Variants in RC3H1 observed in about 807,000 individuals in gnomAD.
RC3H1 encodes roquin-1.
A neutral mutation model predicts 138.2 loss-of-function variants in RC3H1; 50 were observed. That is an observed-to-expected ratio of 0.36 (90% CI 0.29 to 0.46). The LOEUF (loss-of-function observed/expected upper bound fraction) is 0.46, where lower values mean the gene tolerates loss of function less well. Among genes scored for constraint, RC3H1 ranks in the 20% least tolerant of loss-of-function variants. RC3H1 has a pLI of 1.00. For synonymous variants in RC3H1, 462 were observed against 489.1 expected, an observed-to-expected ratio of 0.94 and a Z score of 0.73; for missense variants, 1,031 against 1,388.1, an observed-to-expected ratio of 0.74 and a Z score of 4.09.
chr1:173,988,329 A>T (rs1262069388), intron 2 of RC3H1, among the ~76,000 whole-genome samples: 1 of 152,220 alleles, frequency 6.6e-6, no homozygotes, highest in Admixed American at 6.5e-5. Flanking sequence ...ATCATACAGT[A>T]TGTGGCCTTT....
intron 1 of RC3H1, among the ~76,000 whole-genome samples, chr1:174,009,541 T>C (rs1362530437): frequency 1.3e-5 from 2 of 152,176 alleles, no homozygotes; most frequent in Non-Finnish European, 2.9e-5. Flanking sequence ...ACTGAAATAT[T>C]AGCTCCTTAA....
At chr1:173,967,690 G>C (rs1660181207) in intron 9 of RC3H1, among the ~76,000 whole-genome samples, 1 of 152,108 alleles carries the variant, frequency 6.6e-6, no homozygotes, top group Non-Finnish European at 1.5e-5. Flanking sequence ...ACTTGTAAGA[G>C]CTCATTTTAT....
chr1:173,983,005 A>C (rs1660884791), intron 4 of RC3H1, 103 bp from the exon 5 acceptor site: 6 of 1,022,086 alleles, frequency 5.9e-6, no homozygotes, highest in Non-Finnish European at 8.5e-6. Context: ...TATTCAATTA[A>C]CTGGCAATAC....
At chr1:174,015,899 C>G (rs1661853936) in intron 1 of RC3H1, 1 of 151,956 alleles carries the variant, frequency 6.6e-6, no homozygotes, top group Non-Finnish European at 1.5e-5. Flanking sequence ...TTGACACTAT[C>G]TACTTCAAGA....
intron 11 of RC3H1, among the ~76,000 whole-genome samples, 156 bp downstream of exon 11, chr1:173,963,813 TTTAG>T (rs1475257422): frequency 2.5e-4 from 38 of 152,202 alleles, no homozygotes; most frequent in African/African-American, 8.7e-4. Context: ...TTTCATAGTA[TTTAG>T]TTAATCATAA....
rs966805704 is a variant in RC3H1 at position 173,981,012 on chromosome 1, A to G, written c.769-3T>C. 1 of 1,612,632 alleles carries G rather than the reference A, an allele frequency of 6.2e-7. No individual in the cohort carries two copies. Among genetic ancestry groups the G allele is most frequent in the Non-Finnish European group, 8.5e-7 (1 of 1,179,012 alleles). ...GAGTCTTCATCACGTTTGGTGACCT[A>G]ATAAGACACAAATAATCTCATAATG... On this transcript the variant is annotated splice_polypyrimidine_tract_variant and splice_region_variant and intron_variant, in intron 5 of 19. Coordinates refer to ENST00000367696, the MANE Select transcript of RC3H1 (RefSeq NM_172071.4).
chr1:173,965,210 T>G (rs899597643), intron 9 of RC3H1, 90 bp from the exon 10 acceptor site: 4 of 1,172,702 alleles, frequency 3.4e-6, no homozygotes, highest in Non-Finnish European at 3.5e-6. Flanking sequence ...TCTAGAAATA[T>G]TCTCTCTTGA....
chr1:173,981,615 T>C (rs1163307094), intron 5 of RC3H1, among the ~76,000 whole-genome samples: 1 of 152,200 alleles, frequency 6.6e-6, no homozygotes, highest in Non-Finnish European at 1.5e-5. Flanking sequence ...ACTCTTGGGA[T>C]TGCCTGACAA....
intron 1 of RC3H1, among the ~76,000 whole-genome samples, chr1:174,010,945 GATTA>G (rs2103093665): frequency 6.6e-6 from 1 of 152,184 alleles, no homozygotes; most frequent in South Asian, 2.1e-4. Flanking sequence ...GGGTACAATG[GATTA>G]ATTAATGAAT....
In RC3H1 at chr1:174,008,533, C is replaced by G. The variant is rs1297422944; in HGVS notation, c.-151+13563G>C. On this transcript the variant is annotated intron_variant, in intron 1 of 19. Coordinates refer to ENST00000367696, the MANE Select transcript of RC3H1 (RefSeq NM_172071.4). Reference sequence around the variant, plus strand: ...ATTATTTCTCAACTACTATTGCAAGCAAAATTCCATTTTGAAGGGTTTAAA... The same window carrying G: ...ATTATTTCTCAACTACTATTGCAAGGAAAATTCCATTTTGAAGGGTTTAAA... Among the ~76,000 whole-genome samples the G allele has an allele frequency of 4.6e-5, 7 of 152,046 alleles. No homozygotes were observed. The East Asian group carries it at 1.3e-3, about 29-fold the overall frequency.
chr1:173,992,443 C>T (rs1172075904), intron 2 of RC3H1, among the ~76,000 whole-genome samples: 1 of 152,068 alleles, frequency 6.6e-6, no homozygotes, highest in Non-Finnish European at 1.5e-5. Flanking sequence ...CCACCACACC[C>T]GGCCTTAGGT....
chr1:173,992,905 C>A lies in RC3H1; in HGVS notation c.81G>T (p.Lys27Asn), dbSNP rs1304150613. The change falls in exon 2 of 20, where the codon AAG becomes AAT. Residue 27 changes from lysine to asparagine, a missense_variant. This residue lies in a region of RC3H1 where 35 missense variants were observed against 69.4 expected (regional missense o/e 0.50). Coordinates refer to ENST00000367696, the MANE Select transcript of RC3H1 (RefSeq NM_172071.4). ...TATGGCCACAACCCAAACTGATGGG[C>A]TTTCGAATTGTTTCGTCGAAAGTCT... is the stretch of plus-strand genomic sequence containing the variant. ...CTQTFDETIRKPISLGCGHTV... is the reference protein window; with the variant it reads ...CTQTFDETIRNPISLGCGHTV... 2 of 1,614,080 alleles carry A rather than the reference C, an allele frequency of 1.2e-6. No homozygotes were observed. Among genetic ancestry groups the A allele is most frequent in the East Asian group, 2.2e-5 (1 of 44,866 alleles).
chr1:173,942,628 C>G (rs578186392), intron 18 of RC3H1, among the ~76,000 whole-genome samples: 1 of 151,414 alleles, frequency 6.6e-6, no homozygotes, highest in Non-Finnish European at 1.5e-5. Flanking sequence ...GTCAGGAGAT[C>G]GAGACCATCC....
Position 173,965,126 on chromosome 1 carries a change from T to C in RC3H1, c.1335-6A>G, listed in dbSNP as rs1660054951. 1.9e-6 allele frequency: 3 copies of C among 1,604,866 alleles called. No individual in the cohort carries two copies. The highest frequency in any genetic ancestry group is 2.6e-6 in the Non-Finnish European group (3 of 1,176,402). On this transcript the variant is annotated splice_region_variant and splice_polypyrimidine_tract_variant and intron_variant, in intron 9 of 19. Transcript: ENST00000367696. ...GCTTATTCATTTTACGAAATCTATA[T>C]AAAAAGCATAGGCACATATCAAAAA...
At chr1:173,943,070 T>C (rs542196668) in intron 18 of RC3H1, among the ~76,000 whole-genome samples, 1 of 152,326 alleles carries the variant, frequency 6.6e-6, no homozygotes, top group African/African-American at 2.4e-5. Flanking sequence ...AACTAGAATG[T>C]TATTTGGTGA....
intron 1 of RC3H1, among the ~76,000 whole-genome samples, chr1:173,994,820 A>C (rs74905645): frequency 0.07 from 10,597 of 151,498 alleles, 1,305 homozygotes; most frequent in African/African-American, 0.24. Flanking sequence ...AAAAAGAAAA[A>C]AGAAACCTTA....
Position 173,961,349 on chromosome 1 carries a change from C to A in RC3H1, c.2203-105G>T, listed in dbSNP as rs577763908. ...TAAGTTATGAAACAGCTTGTATACC[C>A]TTCTTAACATTTGGAAACACCAACA... is the stretch of plus-strand genomic sequence containing the variant. On this transcript the variant is annotated intron_variant, in intron 12 of 19. Coordinates refer to ENST00000367696, the MANE Select transcript of RC3H1 (RefSeq NM_172071.4). 8 of 990,952 alleles carry A rather than the reference C, an allele frequency of 8.1e-6. No homozygotes were observed. In the East Asian group the frequency reaches 2.1e-4, roughly 26 times the overall value. The allele number at this position is 990,952 out of a possible 1,614,324, so 61.4% of individuals were successfully genotyped here. A position where few individuals can be genotyped will look rare whatever the true frequency, so the allele number is the denominator to read the frequency against.
chr1:173,994,815 GA>G (rs1469751212), intron 1 of RC3H1, among the ~76,000 whole-genome samples: 1 of 139,726 alleles, frequency 7.2e-6, no homozygotes, highest in Non-Finnish European at 1.6e-5. Flanking sequence ...AAAAAAAAAA[GA>G]AAAAAGAAAC....
At position 173,983,434 on chromosome 1, in the gene RC3H1, G is replaced by A. The variant is rs372738495; in HGVS notation, c.576C>T (p.Cys192=). ...ATTATGTACCTGGTCCAAGGAACTG[G>A]CATCCCCTAGCCCTTACTGCTGCCC... ...NLWAAVRARG[C]QFLGPAMQEE... The change falls in exon 4 of 20, where the codon TGC becomes TGT. Residue 192 remains cysteine (C), a synonymous_variant. Transcript: ENST00000367696. 18 of 1,614,164 alleles carry A rather than the reference G, an allele frequency of 1.1e-5. No individual in the cohort carries two copies. The African/African-American group carries it at 2.3e-4, about 20-fold the overall frequency.
Sources: gnomAD v4.1 joint callset for allele counts (sites outside exome capture counted in the v4.1 genomes callset) on GRCh38, gnomAD v4.1.1 for gene constraint, gnomAD v4.1.1 regional missense constraint, MANE v1.5 for transcripts, NCBI Gene and HGNC (gene_info 2026-07-23, HGNC 2026-07-21) for gene names.